The following FAM135A variants were observed in gnomAD, a reference collection of about 807,000 sequenced individuals.
The protein encoded by FAM135A is family with sequence similarity 135 member A.
A neutral mutation model predicts 146.8 loss-of-function variants in FAM135A; 79 were observed. That is an observed-to-expected ratio of 0.54 (90% CI 0.45 to 0.65). The LOEUF (loss-of-function observed/expected upper bound fraction) is 0.65, where lower values mean the gene tolerates loss of function less well. FAM135A is among the 30% of genes least tolerant of loss of function. The pLI is 0.00. For synonymous variants in FAM135A, 562 were observed against 603.6 expected (o/e 0.93, Z 1.01); for missense variants, 1,623 against 1,758.2 (o/e 0.92, Z 1.38).
intron 4 of FAM135A, among the ~76,000 whole-genome samples, chr6:70,448,983 A>G (rs2128008085): frequency 6.6e-6 from 1 of 152,326 alleles, no homozygotes; most frequent in African/African-American, 2.4e-5. Flanking sequence ...ACATTGCTGC[A>G]GAGATTTTGT....
In FAM135A at chr6:70,522,536, CTTTTG is replaced by C. The variant is rs1422680192; in HGVS notation, c.1059_1063del (p.Cys353Ter). 5 of 1,613,560 alleles carry C rather than the reference CTTTTG, an allele frequency of 3.1e-6. No homozygotes were observed. Among genetic ancestry groups the C allele is most frequent in the Admixed American group, 1.7e-5 (1 of 59,950 alleles). On this transcript the variant is annotated frameshift_variant, in exon 13 of 22. Coordinates refer to ENST00000418814, the MANE Select transcript of FAM135A (RefSeq NM_001162529.3). LOFTEE classifies it high-confidence loss of function. ...AGGTACGCAGATTTTCTGAGGCATT[CTTTTG>C]TTTTGAGCATCCAAGAGAAGCTGCC...
chr6:70,483,016 G>A (rs564915283), intron 10 of FAM135A, among the ~76,000 whole-genome samples: 2 of 152,062 alleles, frequency 1.3e-5, no homozygotes, highest in South Asian at 4.2e-4. Flanking sequence ...AAGGATTTCA[G>A]TCTTTTAACA....
At chr6:70,479,546 T>C (rs1783304535) in intron 8 of FAM135A, among the ~76,000 whole-genome samples, 1 of 152,114 alleles carries the variant, frequency 6.6e-6, no homozygotes, top group African/African-American at 2.4e-5. Flanking sequence ...TTTCTCTACC[T>C]ATAAATGAAA....
intron 2 of FAM135A, among the ~76,000 whole-genome samples, chr6:70,424,785 G>A (rs1355801967): frequency 6.6e-6 from 1 of 152,078 alleles, no homozygotes; most frequent in East Asian, 1.9e-4. Flanking sequence ...TACTTTTTCT[G>A]GGACTATGGG....
intron 4 of FAM135A, among the ~76,000 whole-genome samples, chr6:70,431,573 G>T (rs1379633926): frequency 6.6e-6 from 1 of 152,078 alleles, no homozygotes; most frequent in Non-Finnish European, 1.5e-5. Flanking sequence ...CATAAGTAAG[G>T]CCAGCCCACA....
intron 10 of FAM135A, among the ~76,000 whole-genome samples, chr6:70,490,339 C>A (rs551337564): frequency 3.9e-4 from 59 of 152,170 alleles, no homozygotes; most frequent in African/African-American, 1.3e-3. Flanking sequence ...TTCCTCCCTG[C>A]CAAAAATAAA....
At chr6:70,479,667 G>A (rs570270067) in intron 8 of FAM135A, among the ~76,000 whole-genome samples, 20 of 151,992 alleles carry the variant, frequency 1.3e-4, no homozygotes, top group African/African-American at 4.6e-4. Flanking sequence ...TCTTCAACAG[G>A]TTTTTCCTGA....
chr6:70,496,251 T>C (rs1266062194), intron 11 of FAM135A, among the ~76,000 whole-genome samples: 1 of 152,200 alleles, frequency 6.6e-6, no homozygotes, highest in Non-Finnish European at 1.5e-5. Context: ...ATTTCTCTAG[T>C]GACCAGTGAT....
intron 12 of FAM135A, among the ~76,000 whole-genome samples, chr6:70,518,971 TA>T (rs770852839): frequency 6.6e-6 from 1 of 152,214 alleles, no homozygotes; most frequent in Non-Finnish European, 1.5e-5. Flanking sequence ...CCTTATTACT[TA>T]AATACATTTT....
chr6:70,448,487 G>A lies in FAM135A; in HGVS notation c.78-4005G>A, dbSNP rs533708662. Among the ~76,000 whole-genome samples, 15 of 152,194 alleles carry A rather than the reference G, an allele frequency of 9.9e-5. No individual in the cohort carries two copies. In the South Asian group the frequency reaches 2.3e-3, roughly 23 times the overall value. On this transcript the variant is annotated intron_variant, in intron 4 of 21. Coordinates refer to ENST00000418814, the MANE Select transcript of FAM135A (RefSeq NM_001162529.3). Reference sequence around the variant, plus strand: ...CGAGTGTCCTCCAGCTTAGTTCCACGTTCTCCAACCGTCGCTCCGGTGACC... The same window carrying A: ...CGAGTGTCCTCCAGCTTAGTTCCACATTCTCCAACCGTCGCTCCGGTGACC...
chr6:70,551,241 G>A (rs1198057289), intron 20 of FAM135A, among the ~76,000 whole-genome samples: 1 of 152,156 alleles, frequency 6.6e-6, no homozygotes, highest in African/African-American at 2.4e-5. Flanking sequence ...GGCACAAGAA[G>A]CCTGCTTTTC....
intron 5 of FAM135A, among the ~76,000 whole-genome samples, chr6:70,459,917 G>A (rs1050085707): frequency 9.2e-5 from 14 of 152,176 alleles, no homozygotes; most frequent in African/African-American, 2.6e-4. Flanking sequence ...TGTAATTCCC[G>A]CTACTTGGGA....
chr6:70,524,254 T>C (rs1457545931), intron 14 of FAM135A, 89 bp from the exon 15 acceptor site: 20 of 1,390,014 alleles, frequency 1.4e-5, no homozygotes, highest in Non-Finnish European at 1.8e-5. Flanking sequence ...TTTGAGGATA[T>C]TAGAAGTTAT....
In FAM135A at chr6:70,413,661, C is replaced by T. The variant is rs1245102351; in HGVS notation, c.-261C>T. ...CTTCTTGCAGCTGGACAACGAGCTC[C>T]TCCGTTCGACAGGCGGGGGAAGAGG... On this transcript the variant is annotated 5_prime_UTR_variant, in exon 1 of 22. Transcript: ENST00000418814. 3.1e-6 allele frequency: 1 copy of T among 325,404 alleles called. No homozygotes were observed. The highest frequency in any genetic ancestry group is 1.7e-4 in the East Asian group (1 of 5,920). The allele number at this position is 325,404 out of a possible 1,614,324, so 20.2% of individuals were successfully genotyped here.
chr6:70,536,080 A>G, intron 18 of FAM135A, 180 bp from the exon 19 acceptor site: 1 of 535,770 alleles, frequency 1.9e-6, no homozygotes, highest in East Asian at 3.2e-5. Context: ...AGGATCTTCT[A>G]TACATTCTCA....
intron 12 of FAM135A, among the ~76,000 whole-genome samples, chr6:70,505,521 TG>T (rs967525132): frequency 2.6e-5 from 4 of 151,688 alleles, no homozygotes; most frequent in African/African-American, 7.3e-5. Flanking sequence ...GACACAGTAT[TG>T]GGGGGATACT....
At chr6:70,492,685 G>A (rs962483244) in intron 11 of FAM135A, among the ~76,000 whole-genome samples, 1 of 150,858 alleles carries the variant, frequency 6.6e-6, no homozygotes, top group South Asian at 2.1e-4. Context: ...ATACAATGAG[G>A]CAGTGTACAA....
chr6:70,438,987 C>G (rs73474986), intron 4 of FAM135A, among the ~76,000 whole-genome samples: 7,031 of 152,056 alleles, frequency 0.046, 363 homozygotes, highest in African/African-American at 0.11. Context: ...TAGTGAGGCC[C>G]TATCTACCAA....
intron 21 of FAM135A, chr6:70,557,451 T>C (rs1801068968): frequency 6.6e-6 from 1 of 152,664 alleles, no homozygotes; most frequent in African/African-American, 2.4e-5. Flanking sequence ...CCCAGTACTT[T>C]GGGAGGCCAA....
Sources: allele counts gnomAD v4.1 joint callset (sites outside exome capture counted in the v4.1 genomes callset), GRCh38; gene constraint gnomAD v4.1.1; transcripts MANE v1.5; gene names NCBI Gene and HGNC (gene_info 2026-07-23, HGNC 2026-07-21).